Variants in ISG20L2 observed in about 807,000 individuals in gnomAD.
ISG20L2 encodes the protein interferon-stimulated 20 kDa exonuclease-like 2.
ISG20L2 carries 14 observed loss-of-function variants against 27.8 expected under a neutral mutation model. The observed-to-expected ratio is 0.50, with a 90% CI of 0.33 to 0.79. The LOEUF is 0.79. Ranked by LOEUF, ISG20L2 falls within the 30% of genes least tolerant of loss-of-function variation. The pLI, the probability that ISG20L2 is intolerant of heterozygous loss-of-function variation, is 0.02. For synonymous variants in ISG20L2, 157 were observed against 165.7 expected (o/e 0.95, Z 0.40); for missense variants, 393 against 435.1 (o/e 0.90, Z 0.86).
chr1:156,727,980 G>C (rs1395867713), intron 1 of ISG20L2: 1 of 1,092,178 alleles, frequency 9.2e-7, no homozygotes, highest in African/African-American at 1.6e-5. Flanking sequence ...CAGCCATTTG[G>C]TCTTAGTAAG....
Position 156,726,788 on chromosome 1 carries a change from T to C in ISG20L2, c.747+118A>G. ...GGGGCCTTCTTCAACAACTGATAGA[T>C]TCTCCTCCCTCCCTCCACAAACGTT... is the stretch of plus-strand genomic sequence containing the variant. On this transcript the variant is annotated intron_variant, in intron 2 of 3. Transcript: ENST00000368219. The C allele has an allele frequency of 2.7e-6, 4 of 1,490,314 alleles. No homozygotes were observed. In the South Asian group the frequency reaches 4.1e-5, roughly 15 times the overall value. The allele number at this position is 1,490,314 out of a possible 1,614,324, so 92.3% of individuals were successfully genotyped here. A position where few individuals can be genotyped will look rare whatever the true frequency, so the allele number is the denominator to read the frequency against.
Position 156,723,346 on chromosome 1 carries a change from C to A in ISG20L2, c.*3G>T. ...CCTCATATCACCAGCGTCCCCACTG[C>A]CACTAGTCTGTAGGGGGATTCCGGG... On this transcript the variant is annotated 3_prime_UTR_variant, in exon 4 of 4. Coordinates refer to ENST00000368219, the MANE Select transcript of ISG20L2 (RefSeq NM_001370150.2). 1 of 1,614,098 alleles carries A rather than the reference C, an allele frequency of 6.2e-7. No individual in the cohort carries two copies. Among genetic ancestry groups the A allele is most frequent in the Non-Finnish European group, 8.5e-7 (1 of 1,179,998 alleles).
In ISG20L2 at chr1:156,724,311, T is replaced by C. The variant is rs751172798; in HGVS notation, c.785A>G (p.His262Arg). ...KILTGKIVVG[H>R]AIHNDFKALQ... ...GGCTTTGAAGTCGTTGTGGATGGCATGCCCCACCACTATCTTCCCTGTGAG... is the reference window on the plus strand; with the variant it reads ...GGCTTTGAAGTCGTTGTGGATGGCACGCCCCACCACTATCTTCCCTGTGAG... The change falls in exon 3 of 4, where the codon CAT becomes CGT. Residue 262 changes from histidine (H) to arginine (R), a missense_variant. Around this residue, in one of 3 missense-constraint regions of ISG20L2, gnomAD observed 171 missense variants for 195.3 expected, o/e 0.88. Coordinates refer to ENST00000368219, the MANE Select transcript of ISG20L2 (RefSeq NM_001370150.2). The C allele has an allele frequency of 1.9e-6, 3 of 1,613,398 alleles. No homozygotes were observed. The highest frequency in any genetic ancestry group is 2.5e-6 in the Non-Finnish European group (3 of 1,179,520).
Position 156,728,627 on chromosome 1 carries a change from T to TGGGGGC in ISG20L2, c.-336_-331dup, listed in dbSNP as rs1037608431. On this transcript the variant is annotated 5_prime_UTR_variant, in exon 1 of 4. Coordinates refer to ENST00000368219, the MANE Select transcript of ISG20L2 (RefSeq NM_001370150.2). ...GCGGCGGAGGAGGGGGCGGCGTGGGTGGGGGCGGGGGCGGGATGCGCTCCC... is the reference window on the plus strand; with the variant it reads ...GCGGCGGAGGAGGGGGCGGCGTGGGTGGGGGCGGGGGCGGGGGCGGGATGCGCTCCC... 1.1e-4 allele frequency: 28 copies of TGGGGGC among 259,112 alleles called. No individual in the cohort carries two copies. In the South Asian group the frequency reaches 1.5e-3, roughly 14 times the overall value. 16.1% of individuals were successfully genotyped at this position (259,112 alleles called of 1,614,324 possible).
In ISG20L2 at chr1:156,727,418, T is replaced by C; in HGVS notation, c.235A>G (p.Lys79Glu). 1.9e-6 allele frequency: 3 copies of C among 1,614,078 alleles called. No individual in the cohort carries two copies. Among genetic ancestry groups the C allele is most frequent in the Non-Finnish European group, 2.5e-6 (3 of 1,179,994 alleles). The change falls in exon 2 of 4, where the codon AAG (lysine) becomes GAG (glutamate). Residue 79 changes from lysine (K) to glutamate (E), a missense_variant. Lys to Glu is a moderately conservative substitution (Grantham distance 56). Coordinates refer to ENST00000368219, the MANE Select transcript of ISG20L2 (RefSeq NM_001370150.2). ...CCATTGCTGGAAGCAGCTGTCTTCT[T>C]TTTTGGGAAGGAAGGGGTCTTCCAA... ...GTWKTPSFPK[K>E]KTAASSNGSG...
rs1648606576 is a variant in ISG20L2 at position 156,723,127 on chromosome 1, T to G, written c.*222A>C. 5.2e-6 allele frequency: 3 copies of G among 574,870 alleles called. No individual in the cohort carries two copies. The highest frequency in any genetic ancestry group is 6.1e-6 in the Non-Finnish European group (2 of 325,426). The allele number at this position is 574,870 out of a possible 1,614,324, so 35.6% of individuals were successfully genotyped here. A position where few individuals can be genotyped will look rare whatever the true frequency, so the allele number is the denominator to read the frequency against. ...AAGAAGTAAAAGGTATAGGGTTGGGTTCTGACGTGAAGGCTTTCCCCTTCC... is the reference window on the plus strand; with the variant it reads ...AAGAAGTAAAAGGTATAGGGTTGGGGTCTGACGTGAAGGCTTTCCCCTTCC... On this transcript the variant is annotated 3_prime_UTR_variant, in exon 4 of 4. Transcript: ENST00000368219.
chr1:156,727,349 T>A lies in ISG20L2; in HGVS notation c.304A>T (p.Thr102Ser). ...LDKKAAVSWL[T>S]PAPSKKADSV... ...TCAGCCTTTTTTGAAGGGGCAGGGG[T>A]CAACCAAGACACTGCAGCTTTCTTG... is the stretch of plus-strand genomic sequence containing the variant. Residue 102 changes from threonine (T) to serine (S), a missense_variant, in exon 2 of 4, where the codon ACC becomes TCC. This residue lies in a region of ISG20L2 where 183 missense variants were observed against 168.2 expected (regional missense o/e 1.09). Transcript: ENST00000368219. 6.2e-7 allele frequency: 1 copy of A among 1,614,108 alleles called. No individual in the cohort carries two copies. The highest frequency in any genetic ancestry group is 8.5e-7 in the Non-Finnish European group (1 of 1,180,012).
chr1:156,724,352 G>T lies in ISG20L2; in HGVS notation c.748-4C>A. 6.2e-7 allele frequency: 1 copy of T among 1,604,704 alleles called. No homozygotes were observed. The highest frequency in any genetic ancestry group is 8.5e-7 in the Non-Finnish European group (1 of 1,172,832). ...TCCCTGTGAGTATCTTCAAGATCTG[G>T]AAGAAGTGTGGGAAGAGAGTGGTGA... On this transcript the variant is annotated splice_region_variant and splice_polypyrimidine_tract_variant and intron_variant, in intron 2 of 3. Transcript: ENST00000368219.
rs1347948823 is a variant in ISG20L2, at chr1:156,724,247, G to C, written c.849C>G (p.Thr283=). The C allele has an allele frequency of 6.2e-7, 1 of 1,614,062 alleles. No homozygotes were observed. The highest frequency in any genetic ancestry group is 1.7e-5 in the Admixed American group (1 of 59,998). ...YFHPKSLTRD[T]SHIPPLNRKA... ...TCCGGTTGAGGGGGGGGATATGGGA[G>C]GTGTCACGGGTGAGGGACTTGGGGT... Residue 283 remains threonine (T), a synonymous_variant, in exon 3 of 4, where the codon ACC becomes ACG. Transcript: ENST00000368219.
chr1:156,723,304 G>A lies in ISG20L2; in HGVS notation c.*45C>T, dbSNP rs747726822. The A allele has an allele frequency of 6.2e-7, 1 of 1,611,854 alleles. No individual in the cohort carries two copies. Among genetic ancestry groups the A allele is most frequent in the South Asian group, 1.1e-5 (1 of 90,908 alleles). ...ATTGGTCCACTGCCCTGTTTCTCCT[G>A]GGTGCTGCCTCTGCCTCCTCATATC... On this transcript the variant is annotated 3_prime_UTR_variant, in exon 4 of 4. Transcript: ENST00000368219.
At chr1:156,726,455 C>T (rs1445827398) in intron 2 of ISG20L2, 1 of 972,062 alleles carries the variant, frequency 1.0e-6, no homozygotes, top group East Asian at 1.1e-4. Context: ...CAGGATCTCA[C>T]TCTGTCGCTC....
Position 156,722,513 on chromosome 1 carries a change from G to T in ISG20L2, c.*836C>A, listed in dbSNP as rs1315521082. ...GATCTCCTGACCTCGTGATCTGCCC[G>T]TCTCGGCCTCCCAAAGTGCTGGGAT... On this transcript the variant is annotated 3_prime_UTR_variant, in exon 4 of 4. Transcript: ENST00000368219. 1.3e-5 allele frequency: 2 copies of T among 151,882 alleles called. No individual in the cohort carries two copies. The highest frequency in any genetic ancestry group is 2.4e-5 in the African/African-American group (1 of 41,338). 9.4% of individuals were successfully genotyped at this position (151,882 alleles called of 1,614,324 possible).
Position 156,724,180 on chromosome 1 carries a change from G to C in ISG20L2, c.916C>G (p.Leu306Val). The part of the protein sequence containing the change: ...PENATMSLKH[L>V]TKKLLNRDIQ... Reference sequence around the variant, plus strand: ...TCCCGGTTTAGCAGCTTCTTGGTGAGATGCTTCAGAGACATGGTGGCATTC... The same window carrying C: ...TCCCGGTTTAGCAGCTTCTTGGTGACATGCTTCAGAGACATGGTGGCATTC... Residue 306 changes from leucine to valine, a missense_variant, in exon 3 of 4, where the codon CTC (leucine) becomes GTC (valine). Physicochemically the swap from Leu to Val is conservative, Grantham distance 32 (BLOSUM62 1). Around this residue, in one of 3 missense-constraint regions of ISG20L2, gnomAD observed 171 missense variants for 195.3 expected, o/e 0.88. Transcript: ENST00000368219. 6.2e-7 allele frequency: 1 copy of C among 1,613,850 alleles called. No individual in the cohort carries two copies. Among genetic ancestry groups the C allele is most frequent in the Non-Finnish European group, 8.5e-7 (1 of 1,179,956 alleles).
rs1648611027 is a variant in ISG20L2, at chr1:156,723,240, A to T, written c.*109T>A. ...CTGGGGTAGAGCTTCTCTCTCCCCA[A>T]ATCTAGCTTCCAAAGATGTGGAGCT... is the stretch of plus-strand genomic sequence containing the variant. On this transcript the variant is annotated 3_prime_UTR_variant, in exon 4 of 4. Coordinates refer to ENST00000368219, the MANE Select transcript of ISG20L2 (RefSeq NM_001370150.2). The T allele has an allele frequency of 2.9e-6, 4 of 1,373,364 alleles. No homozygotes were observed. The East Asian group carries it at 6.9e-5, about 24-fold the overall frequency. 85.1% of individuals were successfully genotyped at this position (1,373,364 alleles called of 1,614,324 possible).
intron 2 of ISG20L2, chr1:156,725,235 C>A (rs1372332766): frequency 6.6e-6 from 1 of 152,140 alleles, no homozygotes; most frequent in Non-Finnish European, 1.5e-5. Context: ...CAGGTGTGAG[C>A]CACCACACCT....
chr1:156,726,786 G>A, intron 2 of ISG20L2, 120 bp downstream of exon 2: 1 of 1,485,086 alleles, frequency 6.7e-7, no homozygotes, highest in African/African-American at 1.4e-5. Flanking sequence ...ACAACTGATA[G>A]ATTCTCCTCC....
In ISG20L2 at chr1:156,723,205, G is replaced by C. The variant is rs936391613; in HGVS notation, c.*144C>G. The C allele has an allele frequency of 4.1e-6, 4 of 967,712 alleles. No homozygotes were observed. In the Admixed American group the frequency reaches 6.8e-5, roughly 17 times the overall value. The allele number at this position is 967,712 out of a possible 1,614,324, so 59.9% of individuals were successfully genotyped here. On this transcript the variant is annotated 3_prime_UTR_variant, in exon 4 of 4. Coordinates refer to ENST00000368219, the MANE Select transcript of ISG20L2 (RefSeq NM_001370150.2). ...CAACACCTGAGGTGAAATTTCAATG[G>C]GTATTAAGTCTGGGGTAGAGCTTCT...
Position 156,727,392 on chromosome 1 carries a change from C to G in ISG20L2, c.261G>C (p.Gly87=). Residue 87 remains glycine, a synonymous_variant, in exon 2 of 4, where the codon GGG becomes GGC. Coordinates refer to ENST00000368219, the MANE Select transcript of ISG20L2 (RefSeq NM_001370150.2). ...CTTTCTTGTCCAGGGGCTGTCCTGA[C>G]CCATTGCTGGAAGCAGCTGTCTTCT... ...PKKKTAASSN[G]SGQPLDKKAA... 6.2e-7 allele frequency: 1 copy of G among 1,614,156 alleles called. No homozygotes were observed. The highest frequency in any genetic ancestry group is 8.5e-7 in the Non-Finnish European group (1 of 1,180,022).
chr1:156,725,293 T>A (rs1648704713), intron 2 of ISG20L2: 1 of 152,204 alleles, frequency 6.6e-6, no homozygotes. Context: ...CTTGCTATTT[T>A]TCCCAGGTTG....
Sources: gnomAD v4.1 joint callset for allele counts on GRCh38, gnomAD v4.1.1 for gene constraint, gnomAD v4.1.1 regional missense constraint, MANE v1.5 for transcripts, NCBI Gene and HGNC (gene_info 2026-07-23, HGNC 2026-07-21) for gene names.